The following NRG1 variants were observed in gnomAD, a reference collection of about 807,000 sequenced individuals.
NRG1 encodes neuregulin 1.
NRG1 carries 18 observed loss-of-function variants against 63.8 expected under a neutral mutation model. The observed-to-expected ratio is 0.28, with a 90% CI of 0.19 to 0.42. The LOEUF (loss-of-function observed/expected upper bound fraction) is 0.42. NRG1 is among the 10% of genes least tolerant of loss of function. NRG1 has a pLI of 1.00. For synonymous variants in NRG1, 302 were observed against 301.3 expected, an observed-to-expected ratio of 1.00 and a Z score of -0.02; for missense variants, 762 against 814.7, an observed-to-expected ratio of 0.94 and a Z score of 0.79.
intron 1 of NRG1, among the ~76,000 whole-genome samples, chr8:31,915,603 A>G (rs1833315196): frequency 6.6e-6 from 1 of 152,110 alleles, no homozygotes; most frequent in South Asian, 2.1e-4. Flanking sequence ...TCCCAATCTT[A>G]CACCTGCGAT....
intron 5 of NRG1, among the ~76,000 whole-genome samples, chr8:32,626,191 A>G (rs1849238415): frequency 6.7e-6 from 1 of 150,044 alleles, no homozygotes; most frequent in South Asian, 2.1e-4. Context: ...ATTTCTTGGG[A>G]AGTGGGAGGT....
chr8:32,123,705 G>T (rs1833762246), intron 1 of NRG1, among the ~76,000 whole-genome samples: 1 of 149,996 alleles, frequency 6.7e-6, no homozygotes, highest in African/African-American at 2.4e-5. Flanking sequence ...ATATTTTTAA[G>T]TTAATTTATA....
At chr8:32,040,756 T>TATATATATATATATATATATAC (rs1819882229) in intron 1 of NRG1, among the ~76,000 whole-genome samples, 1 of 130,088 alleles carries the variant, frequency 7.7e-6, no homozygotes, top group Non-Finnish European at 1.7e-5. Flanking sequence ...GGCGCATATA[T>TATATATATATATATATATATAC]ATATATATAT....
intron 1 of NRG1, among the ~76,000 whole-genome samples, chr8:32,429,956 T>C (rs1405310589): frequency 6.6e-6 from 1 of 152,206 alleles, no homozygotes; most frequent in Non-Finnish European, 1.5e-5. Context: ...ATCTTATCTT[T>C]GTAGTTCAAA....
chr8:32,596,875 A>C (rs1410940782), intron 2 of NRG1, among the ~76,000 whole-genome samples: 2 of 152,142 alleles, frequency 1.3e-5, no homozygotes, highest in African/African-American at 4.8e-5. Flanking sequence ...CTTAGGTAGC[A>C]AGAATTTTAC....
upstream of NRG1, among the ~76,000 whole-genome samples, chr8:32,547,182 C>G (rs1328602923): frequency 6.6e-6 from 1 of 152,152 alleles, no homozygotes; most frequent in Non-Finnish European, 1.5e-5. Context: ...CCGTGGTGCC[C>G]GTTACCCTGG....
chr8:32,415,629 A>G (rs1281568915), intron 1 of NRG1, among the ~76,000 whole-genome samples: 1 of 152,202 alleles, frequency 6.6e-6, no homozygotes, highest in African/African-American at 2.4e-5. Flanking sequence ...GCATAAGACC[A>G]TACAGTTTAT....
At chr8:31,678,003 C>T (rs1807898704) in intron 1 of NRG1, among the ~76,000 whole-genome samples, 1 of 150,960 alleles carries the variant, frequency 6.6e-6, no homozygotes, top group African/African-American at 2.4e-5. Context: ...TCATCTGATT[C>T]TTCAGCTGGC....
At chr8:32,334,102 T>C (rs1236983594) in intron 1 of NRG1, among the ~76,000 whole-genome samples, 1 of 152,240 alleles carries the variant, frequency 6.6e-6, no homozygotes, top group Admixed American at 6.5e-5. Flanking sequence ...GACAGGTACT[T>C]ACATCTTTTA....
intron 1 of NRG1, among the ~76,000 whole-genome samples, chr8:32,373,341 T>A (rs1173638088): frequency 6.6e-6 from 1 of 152,196 alleles, no homozygotes; most frequent in East Asian, 1.9e-4. Context: ...TGAAGAGCAA[T>A]TTGGCAATGT....
chr8:32,637,263 T>A (rs530052618), intron 5 of NRG1, among the ~76,000 whole-genome samples: 2 of 152,302 alleles, frequency 1.3e-5, no homozygotes, highest in African/African-American at 4.8e-5. Flanking sequence ...TTCCTGTATA[T>A]ATGAGTTCAT....
At chr8:32,647,435 C>T in intron 5 of NRG1, 2 of 985,384 alleles carry the variant, frequency 2.0e-6, no homozygotes, top group Non-Finnish European at 2.4e-6. Context: ...TCCCTGTCCT[C>T]TTGACGAGCC....
At position 31,693,995 on chromosome 8, in the gene NRG1, G is replaced by A. The variant is rs116092433; in HGVS notation, c.37+54564G>A. Reference sequence around the variant, plus strand: ...TGGGACTATAGGAGTGTGCCACCATGCCTTGCTAATTTTTTAAAAAACATT... The same window carrying A: ...TGGGACTATAGGAGTGTGCCACCATACCTTGCTAATTTTTTAAAAAACATT... On this transcript the variant is annotated intron_variant, in intron 1 of 10. Coordinates refer to the NRG1 transcript ENST00000519301. Among the ~76,000 whole-genome samples the A allele has an allele frequency of 9.2e-3, 1,393 of 152,136 alleles. 19 individuals are homozygous for A. The highest frequency in any genetic ancestry group is 0.032 in the African/African-American group (1,325 of 41,490).
At chr8:32,626,041 AC>A (rs1163154925) in intron 5 of NRG1, among the ~76,000 whole-genome samples, 3 of 151,552 alleles carry the variant, frequency 2.0e-5, no homozygotes, top group African/African-American at 7.3e-5. Flanking sequence ...TGATCTGCCC[AC>A]CTTGGCCTCC....
chr8:32,434,205 A>G (rs1197682763), intron 1 of NRG1, among the ~76,000 whole-genome samples: 5 of 151,838 alleles, frequency 3.3e-5, no homozygotes. Context: ...AAAATAAAAT[A>G]AAATAAAATA....
chr8:32,279,541 TG>T (rs1253028492), intron 1 of NRG1, among the ~76,000 whole-genome samples: 1 of 152,032 alleles, frequency 6.6e-6, no homozygotes, highest in Non-Finnish European at 1.5e-5. Context: ...TTAGTAGAGA[TG>T]GGGTTTCACT....
intron 1 of NRG1, among the ~76,000 whole-genome samples, chr8:32,120,576 T>C (rs1427719289): frequency 1.3e-5 from 2 of 152,106 alleles, no homozygotes; most frequent in Non-Finnish European, 2.9e-5. Context: ...TCTTCAAATG[T>C]TAAAACTGAA....
At chr8:32,586,223 A>G (rs923947598) in intron 1 of NRG1, among the ~76,000 whole-genome samples, 1 of 145,990 alleles carries the variant, frequency 6.8e-6, no homozygotes, top group Non-Finnish European at 1.5e-5. Flanking sequence ...TATATATACT[A>G]TATATAAATA....
chr8:32,614,151 A>G (rs1183793785), intron 3 of NRG1, among the ~76,000 whole-genome samples: 1 of 152,094 alleles, frequency 6.6e-6, no homozygotes, highest in African/African-American at 2.4e-5. Context: ...AAAAATTCTT[A>G]CTACAGCTTG....
Sources: allele counts gnomAD v4.1 joint callset (sites outside exome capture counted in the v4.1 genomes callset), GRCh38; gene constraint gnomAD v4.1.1; transcripts MANE v1.5; gene names NCBI Gene and HGNC (gene_info 2026-07-23, HGNC 2026-07-21).